Variants in SLCO3A1 observed in about 807,000 individuals in gnomAD.
SLCO3A1 encodes the protein PGE1 transporter.
In SLCO3A1, 27 loss-of-function variants were observed where a neutral mutation model predicts 63.1. That is an observed-to-expected ratio of 0.43 (90% CI 0.32 to 0.59). The LOEUF (loss-of-function observed/expected upper bound fraction) is 0.59. SLCO3A1 is among the 20% of genes least tolerant of loss of function. The pLI is 0.09. For missense variants in SLCO3A1, 773 were observed against 945.8 expected (o/e 0.82, Z 2.40); for synonymous variants, 473 against 409.9 (o/e 1.15, Z -1.86).
In SLCO3A1 at chr15:91,954,557, C is replaced by T. The variant is rs1597153136; in HGVS notation, c.646+38099C>T. ...CTGGTCAGGTGCCCCGCAGGCTTTC[C>T]TGAGAAGTGAATCCAGGCGCAGAAG... On this transcript the variant is annotated intron_variant, in intron 2 of 9. Transcript: ENST00000318445. This position sits in a 1 kb window ranked among gnomAD's most constrained non-coding sequence, Gnocchi z 4.7. Among the ~76,000 whole-genome samples, 1 of 152,138 alleles carries T rather than the reference C, an allele frequency of 6.6e-6. No individual in the cohort carries two copies. The highest frequency in any genetic ancestry group is 1.5e-5 in the Non-Finnish European group (1 of 68,022).
chr15:91,881,587 AAAG>A (rs1321739627), intron 1 of SLCO3A1, among the ~76,000 whole-genome samples: 13 of 131,086 alleles, frequency 9.9e-5, no homozygotes, highest in Non-Finnish European at 2.1e-4. Flanking sequence ...AGAAAGAAAG[AAAG>A]GGTTTTTAGC....
At chr15:91,888,149 G>A (rs978095654) in intron 1 of SLCO3A1, among the ~76,000 whole-genome samples, 1 of 152,138 alleles carries the variant, frequency 6.6e-6, no homozygotes, top group Admixed American at 6.5e-5. Context: ...AATACTCCCC[G>A]CCCTCTCACT....
chr15:92,017,838 G>A (rs540714701), intron 2 of SLCO3A1, among the ~76,000 whole-genome samples: 181 of 152,294 alleles, frequency 1.2e-3, no homozygotes, highest in African/African-American at 4.1e-3. Context: ...GCAGACCAGG[G>A]TGGAGGCTTG....
At chr15:91,920,752 C>G (rs150767620) in intron 2 of SLCO3A1, among the ~76,000 whole-genome samples, 21 of 152,266 alleles carry the variant, frequency 1.4e-4, no homozygotes, top group African/African-American at 3.9e-4. Flanking sequence ...ACTTCCCATA[C>G]CCTGGGTTCT....
intron 3 of SLCO3A1, among the ~76,000 whole-genome samples, chr15:92,097,076 G>A (rs1296878744): frequency 6.6e-6 from 1 of 152,200 alleles, no homozygotes; most frequent in African/African-American, 2.4e-5. Flanking sequence ...CAATGGGGAA[G>A]CCACCTTGAA....
Position 92,120,541 on chromosome 15 carries a change from T to G in SLCO3A1, c.1086T>G (p.Ile362Met), listed in dbSNP as rs2047851060. 4 of 1,614,006 alleles carry G rather than the reference T, an allele frequency of 2.5e-6. No individual in the cohort carries two copies. The highest frequency in any genetic ancestry group is 3.4e-6 in the Non-Finnish European group (4 of 1,180,026). The change falls in exon 5 of 10, where the codon ATT becomes ATG. Residue 362 changes from isoleucine to methionine, a missense_variant. Around this residue, in one of 3 missense-constraint regions of SLCO3A1, gnomAD observed 565 missense variants for 749.8 expected, o/e 0.75. Transcript: ENST00000318445. Reference protein sequence around the residue: ...TCIILAACMEIAVVAGFAAFL... With the variant: ...TCIILAACMEMAVVAGFAAFL... The stretch of plus-strand genomic sequence containing the variant: ...TCATCCTGGCCGCCTGCATGGAGAT[T>G]GCAGTGGTGGCTGGCTTCGCTGCCT...
At chr15:92,064,805 A>G (rs1229468405) in intron 2 of SLCO3A1, among the ~76,000 whole-genome samples, 1 of 152,218 alleles carries the variant, frequency 6.6e-6, no homozygotes, top group Non-Finnish European at 1.5e-5. Flanking sequence ...TATATGTAGG[A>G]GCTAAAAACA....
intron 7 of SLCO3A1, among the ~76,000 whole-genome samples, chr15:92,139,718 T>A (rs2048104507): frequency 6.6e-6 from 1 of 152,200 alleles, no homozygotes; most frequent in Non-Finnish European, 1.5e-5. Flanking sequence ...AGTGTATGTG[T>A]CGAGGAATTT....
intron 8 of SLCO3A1, among the ~76,000 whole-genome samples, chr15:92,150,466 T>A (rs1384679413): frequency 6.6e-6 from 1 of 152,184 alleles, no homozygotes; most frequent in Non-Finnish European, 1.5e-5. Context: ...AAATGGTCCA[T>A]CCAGGGTGTC....
intron 2 of SLCO3A1, among the ~76,000 whole-genome samples, chr15:92,010,368 C>A (rs1169745877): frequency 6.6e-6 from 1 of 152,172 alleles, no homozygotes; most frequent in Non-Finnish European, 1.5e-5. Flanking sequence ...AGCCCCTAGG[C>A]AGTTCTGCAC....
intron 2 of SLCO3A1, among the ~76,000 whole-genome samples, chr15:92,083,953 A>T (rs967803278): frequency 6.6e-6 from 1 of 152,176 alleles, no homozygotes; most frequent in African/African-American, 2.4e-5. Flanking sequence ...ACAGCCAGTG[A>T]CTGCAGACCC....
intron 7 of SLCO3A1, among the ~76,000 whole-genome samples, chr15:92,131,477 G>T (rs112974126): frequency 7.0e-6 from 1 of 142,324 alleles, no homozygotes; most frequent in Non-Finnish European, 1.6e-5. Context: ...TGATTCTCCT[G>T]CCTCAGCCTC....
At chr15:91,910,485 A>G (rs1340717530) in intron 1 of SLCO3A1, among the ~76,000 whole-genome samples, 1 of 152,232 alleles carries the variant, frequency 6.6e-6, no homozygotes, top group Non-Finnish European at 1.5e-5. Flanking sequence ...GTCACAGAGC[A>G]TGCACACCAG....
At chr15:91,914,190 CAG>C (rs1361425099) in intron 1 of SLCO3A1, among the ~76,000 whole-genome samples, 1 of 152,160 alleles carries the variant, frequency 6.6e-6, no homozygotes, top group African/African-American at 2.4e-5. Flanking sequence ...CAAGGTCAGC[CAG>C]AGTCAGGATG....
At chr15:91,974,253 A>G (rs7164049) in intron 2 of SLCO3A1, among the ~76,000 whole-genome samples, 4,873 of 101,954 alleles carry the variant, frequency 0.048, 268 homozygotes, top group African/African-American at 0.15. Flanking sequence ...AACGGACACC[A>G]TTTTCATTAT....
chr15:92,147,682 G>A (rs1396940544), intron 8 of SLCO3A1, among the ~76,000 whole-genome samples: 2 of 152,176 alleles, frequency 1.3e-5, no homozygotes, highest in Non-Finnish European at 2.9e-5. Context: ...CTCACGGCAG[G>A]TGAGCAGTGA....
intron 1 of SLCO3A1, among the ~76,000 whole-genome samples, chr15:91,887,571 G>C (rs1440318845): frequency 1.3e-5 from 2 of 152,182 alleles, no homozygotes; most frequent in African/African-American, 4.8e-5. Flanking sequence ...TGGCCTTTTA[G>C]AACCCAGCTG....
intron 9 of SLCO3A1, among the ~76,000 whole-genome samples, chr15:92,156,633 T>G (rs1050011837): frequency 2.0e-5 from 3 of 152,208 alleles, no homozygotes; most frequent in African/African-American, 7.2e-5. Flanking sequence ...CAGCCCAGAT[T>G]CTTTCTTGGC....
intron 2 of SLCO3A1, among the ~76,000 whole-genome samples, chr15:92,015,545 G>T (rs145606308): frequency 1.2e-4 from 19 of 152,196 alleles, no homozygotes; most frequent in African/African-American, 4.3e-4. Context: ...TTGACACATG[G>T]GGATTACATT....
Sources: allele counts gnomAD v4.1 joint callset (sites outside exome capture counted in the v4.1 genomes callset), GRCh38; gene constraint gnomAD v4.1.1; regional missense constraint gnomAD v4.1.1; non-coding constraint Gnocchi (gnomAD v3.1); transcripts MANE v1.5; gene names NCBI Gene and HGNC (gene_info 2026-07-23, HGNC 2026-07-21).